Variants in STXBP5L observed in about 807,000 individuals in gnomAD.
STXBP5L encodes syntaxin-binding protein 5-like.
Under a neutral mutation model 144.5 loss-of-function variants are expected in STXBP5L, and 65 were observed. The observed-to-expected ratio is 0.45, with a 90% CI of 0.37 to 0.55. The LOEUF (loss-of-function observed/expected upper bound fraction) is 0.55. STXBP5L is among the 20% of genes least tolerant of loss of function. STXBP5L has a pLI of 0.00. For missense variants in STXBP5L, 1,298 were observed against 1,405.5 expected, an observed-to-expected ratio of 0.92 and a Z score of 1.22; for synonymous variants, 505 against 469.6, an observed-to-expected ratio of 1.08 and a Z score of -0.97.
chr3:120,944,112 T>G (rs1357257664), intron 2 of STXBP5L, among the ~76,000 whole-genome samples: 2 of 151,774 alleles, frequency 1.3e-5, no homozygotes, highest in East Asian at 3.9e-4. Context: ...GTTAGGATTT[T>G]TTTTTGGAGG....
intron 3 of STXBP5L, among the ~76,000 whole-genome samples, chr3:120,968,010 G>A (rs542674362): frequency 3.3e-5 from 5 of 152,162 alleles, no homozygotes; most frequent in South Asian, 2.1e-4. Flanking sequence ...GATTTGTTTC[G>A]TGACCTAACA....
intron 5 of STXBP5L, among the ~76,000 whole-genome samples, chr3:121,073,230 A>T (rs1215939024): frequency 1.3e-5 from 2 of 152,142 alleles, no homozygotes; most frequent in Non-Finnish European, 2.9e-5. Context: ...TCCGTGCTCC[A>T]CCCATTCTGT....
chr3:120,996,773 G>A (rs1236176685), intron 3 of STXBP5L, among the ~76,000 whole-genome samples: 1 of 151,974 alleles, frequency 6.6e-6, no homozygotes, highest in East Asian at 1.9e-4. Flanking sequence ...CCATGTTGTT[G>A]CAAATGAGAG....
At chr3:121,353,755 G>A (rs1025045702) in intron 20 of STXBP5L, among the ~76,000 whole-genome samples, 58 of 152,026 alleles carry the variant, frequency 3.8e-4, no homozygotes, top group African/African-American at 1.3e-3. Flanking sequence ...TGCTTCTCTA[G>A]CTCTTTTAAT....
At chr3:121,397,486 C>G (rs191563079) in intron 22 of STXBP5L, among the ~76,000 whole-genome samples, 207 of 152,296 alleles carry the variant, frequency 1.4e-3, no homozygotes, top group Admixed American at 2.2e-3. Context: ...TTGTTCTATC[C>G]AAATTGGCTT....
chr3:121,003,306 GTGA>G (rs372853560), intron 3 of STXBP5L, among the ~76,000 whole-genome samples: 15,037 of 152,094 alleles, frequency 0.099, 1,159 homozygotes, highest in Admixed American at 0.2. Context: ...CTGATGGCCA[GTGA>G]TGATGAGCAT....
chr3:121,239,940 A>G (rs2049613439), intron 13 of STXBP5L, among the ~76,000 whole-genome samples: 1 of 152,098 alleles, frequency 6.6e-6, no homozygotes, highest in Non-Finnish European at 1.5e-5. Context: ...TGGTTTAGGA[A>G]ACATAATTAT....
chr3:121,077,294 G>A (rs1159154207), intron 5 of STXBP5L, among the ~76,000 whole-genome samples: 1 of 152,170 alleles, frequency 6.6e-6, no homozygotes, highest in African/African-American at 2.4e-5. Flanking sequence ...TCCAGAATTG[G>A]TGGGTTCTTG....
intron 9 of STXBP5L, among the ~76,000 whole-genome samples, chr3:121,204,289 T>C (rs2048251660): frequency 6.6e-6 from 1 of 152,168 alleles, no homozygotes; most frequent in African/African-American, 2.4e-5. Flanking sequence ...GTTTTCTCTT[T>C]CTAAGACATC....
intron 7 of STXBP5L, among the ~76,000 whole-genome samples, chr3:121,133,098 G>T (rs2045072533): frequency 6.6e-6 from 1 of 152,136 alleles, no homozygotes; most frequent in South Asian, 2.1e-4. Flanking sequence ...AGCTAGGTAT[G>T]GTGGCTTATG....
intron 5 of STXBP5L, among the ~76,000 whole-genome samples, chr3:121,060,587 G>A (rs934140488): frequency 2.6e-5 from 4 of 152,184 alleles, no homozygotes; most frequent in Non-Finnish European, 4.4e-5. Flanking sequence ...ATTCAGCTGT[G>A]AATCTGTCTT....
intron 3 of STXBP5L, among the ~76,000 whole-genome samples, chr3:121,006,204 TC>T (rs1238149808): frequency 1.3e-5 from 2 of 152,168 alleles, no homozygotes; most frequent in Non-Finnish European, 2.9e-5. Context: ...TTTGTGGGTC[TC>T]TAAGGACTTG....
chr3:120,973,985 A>T (rs1286531909), intron 3 of STXBP5L, among the ~76,000 whole-genome samples: 1 of 152,198 alleles, frequency 6.6e-6, no homozygotes, highest in East Asian at 1.9e-4. Flanking sequence ...TATTATGAAT[A>T]GTGCCGCAAT....
chr3:120,953,502 CT>C (rs758605593), intron 2 of STXBP5L, among the ~76,000 whole-genome samples: 150 of 132,082 alleles, frequency 1.1e-3, no homozygotes, highest in Admixed American at 1.1e-3. Flanking sequence ...TGAATTTTTC[CT>C]TTTTTTTTTT....
chr3:121,318,922 A>T (rs779733007), intron 20 of STXBP5L, among the ~76,000 whole-genome samples: 6 of 152,202 alleles, frequency 3.9e-5, no homozygotes, highest in African/African-American at 7.2e-5. Context: ...GAAGCAAATG[A>T]TACCATTCCT....
At chr3:121,210,206 G>T (rs1418280293) in intron 10 of STXBP5L, among the ~76,000 whole-genome samples, 7 of 152,130 alleles carry the variant, frequency 4.6e-5, no homozygotes, top group Admixed American at 4.6e-4. Flanking sequence ...ATTTTTTCAT[G>T]TGTCTTTTGG....
chr3:121,302,619 C>A (rs1235822171), intron 19 of STXBP5L, among the ~76,000 whole-genome samples: 5 of 152,156 alleles, frequency 3.3e-5, no homozygotes, highest in Middle Eastern at 3.4e-3. Context: ...TTCTCTTGTT[C>A]TTTTAATTGT....
At chr3:120,956,427 A>T (rs1559907712) in intron 3 of STXBP5L, among the ~76,000 whole-genome samples, 1 of 151,888 alleles carries the variant, frequency 6.6e-6, no homozygotes, top group Admixed American at 6.6e-5. Flanking sequence ...AGCATACAGT[A>T]TTCTTCTTTT....
chr3:121,405,843 T>C (rs1347833319), intron 22 of STXBP5L, among the ~76,000 whole-genome samples: 1 of 152,096 alleles, frequency 6.6e-6, no homozygotes, highest in Non-Finnish European at 1.5e-5. Context: ...GCAGCTGTTT[T>C]GGCAAGGGCA....
Sources: allele counts gnomAD v4.1 joint callset (sites outside exome capture counted in the v4.1 genomes callset), GRCh38; gene constraint gnomAD v4.1.1; transcripts MANE v1.5; gene names NCBI Gene and HGNC (gene_info 2026-07-23, HGNC 2026-07-21).